Variants in FAM227B observed in about 807,000 individuals in gnomAD.
FAM227B encodes the protein family with sequence similarity 227 member B, also known as protein FAM227B.
Under a neutral mutation model 73.8 loss-of-function variants are expected in FAM227B, and 88 were observed. That is an observed-to-expected ratio of 1.19 (90% CI 1.00 to 1.42). The LOEUF (loss-of-function observed/expected upper bound fraction) is 1.42, where lower values mean the gene tolerates loss of function less well. Ranked by LOEUF, FAM227B falls within the 40% of genes most tolerant of loss-of-function variation. The probability of loss-of-function intolerance (pLI) is 0.00; values close to 1 mark genes in which losing one functional copy is unlikely to be tolerated. For missense variants in FAM227B, 632 were observed against 590.9 expected (o/e 1.07, Z -0.72); for synonymous variants, 210 against 190.5 (o/e 1.10, Z -0.84).
At chr15:49,552,961 G>T (rs2073209906) in intron 9 of FAM227B, among the ~76,000 whole-genome samples, 1 of 152,096 alleles carries the variant, frequency 6.6e-6, no homozygotes, top group African/African-American at 2.4e-5. Flanking sequence ...CTCCAAGACT[G>T]GTCCCTGGTG....
intron 8 of FAM227B, among the ~76,000 whole-genome samples, chr15:49,573,549 A>G (rs1458225062): frequency 1.3e-5 from 2 of 152,168 alleles, no homozygotes; most frequent in Admixed American, 1.3e-4. Context: ...CCATTATCAC[A>G]GAAGTGGGTT....
At chr15:49,502,810 C>T (rs2058251683) in intron 11 of FAM227B, among the ~76,000 whole-genome samples, 1 of 152,048 alleles carries the variant, frequency 6.6e-6, no homozygotes. Flanking sequence ...AATGTAATCC[C>T]CAGTGTTGGA....
At position 49,396,750 on chromosome 15, in the gene FAM227B, A is replaced by G. The variant is rs1214585180; in HGVS notation, c.1013-25351T>C. Among the ~76,000 whole-genome samples the G allele has an allele frequency of 2.7e-5, 4 of 147,138 alleles. 1 individual carries two copies. Among genetic ancestry groups the G allele is most frequent in the Non-Finnish European group, 4.6e-5 (3 of 65,172 alleles). Reference sequence around the variant, plus strand: ...CAGCAGGGGCACACTGACACCTCACACGGCAGGGTACTCCAACAGACCTGC... The same window carrying G: ...CAGCAGGGGCACACTGACACCTCACGCGGCAGGGTACTCCAACAGACCTGC... On this transcript the variant is annotated intron_variant, in intron 11 of 15. Transcript: ENST00000299338.
intron 13 of FAM227B, among the ~76,000 whole-genome samples, chr15:49,360,816 TATAA>T (rs1344181262): frequency 4.6e-5 from 7 of 152,186 alleles, no homozygotes; most frequent in East Asian, 1.9e-4. Flanking sequence ...TTATCATCCT[TATAA>T]ATAAATATAC....
intron 10 of FAM227B, among the ~76,000 whole-genome samples, chr15:49,509,129 A>G (rs1175497764): frequency 1.3e-5 from 2 of 152,206 alleles, no homozygotes; most frequent in East Asian, 1.9e-4. Context: ...AGCTACCCCT[A>G]TCTGGTACCT....
chr15:49,507,086 C>T (rs2152111279), intron 11 of FAM227B, among the ~76,000 whole-genome samples: 1 of 151,656 alleles, frequency 6.6e-6, no homozygotes, highest in Middle Eastern at 3.4e-3. Flanking sequence ...GAAATAGCCC[C>T]CCACCCCCCA....
At chr15:49,490,931 T>A (rs1158195302) in intron 11 of FAM227B, among the ~76,000 whole-genome samples, 1 of 152,008 alleles carries the variant, frequency 6.6e-6, no homozygotes, top group Non-Finnish European at 1.5e-5. Context: ...ACAATTTATA[T>A]ATGTTTCTTT....
At chr15:49,395,472 T>C (rs1744209399) in intron 11 of FAM227B, among the ~76,000 whole-genome samples, 1 of 152,204 alleles carries the variant, frequency 6.6e-6, no homozygotes. Context: ...CTCAGTTATT[T>C]TCATCCCTTG....
At chr15:49,570,134 C>A (rs1012333556) in intron 8 of FAM227B, among the ~76,000 whole-genome samples, 1 of 151,942 alleles carries the variant, frequency 6.6e-6, no homozygotes, top group Non-Finnish European at 1.5e-5. Context: ...ATTTCAATTT[C>A]TTTGGATGTA....
chr15:49,496,399 T>A (rs1344511592), intron 11 of FAM227B, among the ~76,000 whole-genome samples: 2 of 152,200 alleles, frequency 1.3e-5, no homozygotes, highest in Non-Finnish European at 2.9e-5. Context: ...AAATAGTTTT[T>A]AAAAATGATC....
chr15:49,589,528 ATTCT>A (rs1390369829), intron 4 of FAM227B, among the ~76,000 whole-genome samples: 1 of 143,312 alleles, frequency 7.0e-6, no homozygotes. Context: ...TTAGAATTTC[ATTCT>A]TTATGAGATT....
intron 9 of FAM227B, among the ~76,000 whole-genome samples, chr15:49,561,022 CA>C (rs1420196752): frequency 6.6e-6 from 1 of 152,120 alleles, no homozygotes; most frequent in African/African-American, 2.4e-5. Context: ...CAAAATCTCA[CA>C]TATCAATACT....
intron 5 of FAM227B, among the ~76,000 whole-genome samples, chr15:49,582,037 C>A (rs1232591190): frequency 1.3e-5 from 2 of 152,148 alleles, no homozygotes; most frequent in African/African-American, 4.8e-5. Context: ...GCTTGCAGTA[C>A]ACATACCAGT....
At chr15:49,597,726 G>A (rs1241786923) in intron 3 of FAM227B, among the ~76,000 whole-genome samples, 3 of 152,044 alleles carry the variant, frequency 2.0e-5, no homozygotes, top group South Asian at 2.1e-4. Flanking sequence ...GACCATTAGC[G>A]AGATTAAGCA....
chr15:49,495,814 G>C (rs2057549976), intron 11 of FAM227B, among the ~76,000 whole-genome samples: 1 of 152,094 alleles, frequency 6.6e-6, no homozygotes, highest in African/African-American at 2.4e-5. Flanking sequence ...CTTGAGGTCA[G>C]GAGTTTGAGA....
At chr15:49,610,696 C>A (rs2077848627) in intron 3 of FAM227B, among the ~76,000 whole-genome samples, 1 of 152,098 alleles carries the variant, frequency 6.6e-6, no homozygotes, top group Admixed American at 6.6e-5. Flanking sequence ...ATGACCTTCA[C>A]ACTTGCAGAT....
At position 49,576,815 on chromosome 15, in the gene FAM227B, C is replaced by A. The variant is rs2075471761; in HGVS notation, c.472G>T (p.Glu158Ter). 1 of 1,612,664 alleles carries A rather than the reference C, an allele frequency of 6.2e-7. No homozygotes were observed. Among genetic ancestry groups the A allele is most frequent in the Non-Finnish European group, 8.5e-7 (1 of 1,179,210 alleles). ...AAATGTCTGGGTAGCTGAGTAAGTT[C>A]ATTTGCTTTGAATCCTGTGAAGCTG... ...GCSFTGFKANELTQLPRHLDA... is the reference protein window; with the variant it reads ...GCSFTGFKAN The change falls in exon 7 of 16, where the codon GAA becomes TAA. Residue 158 changes from glutamate (E) to a stop codon, truncating the protein, a stop_gained. Coordinates refer to ENST00000299338, the MANE Select transcript of FAM227B (RefSeq NM_152647.3). LOFTEE classifies it high-confidence loss of function.
chr15:49,559,486 G>A (rs569412340), intron 9 of FAM227B, among the ~76,000 whole-genome samples: 2 of 152,204 alleles, frequency 1.3e-5, no homozygotes, highest in East Asian at 3.9e-4. Flanking sequence ...GAGCACCACT[G>A]ACCAACTTCT....
intron 1 of FAM227B, among the ~76,000 whole-genome samples, chr15:49,616,842 T>C (rs1046752277): frequency 1.9e-4 from 29 of 152,210 alleles, no homozygotes; most frequent in African/African-American, 6.8e-4. Context: ...TATCCTCCTA[T>C]TATCTTTGCA....
Sources: gnomAD v4.1 joint callset for allele counts (sites outside exome capture counted in the v4.1 genomes callset) on GRCh38, gnomAD v4.1.1 for gene constraint, MANE v1.5 for transcripts, NCBI Gene and HGNC (gene_info 2026-07-23, HGNC 2026-07-21) for gene names.